The following PRKN variants were observed in gnomAD, a reference collection of about 807,000 sequenced individuals.
The protein encoded by PRKN is E3 ubiquitin-protein ligase parkin.
Under a neutral mutation model 59.5 loss-of-function variants are expected in PRKN, and 56 were observed. The observed-to-expected ratio is 0.94, with a 90% CI of 0.76 to 1.18. The LOEUF is 1.18. Ranked by LOEUF, PRKN falls within the 50% of genes most tolerant of loss-of-function variation. The probability of loss-of-function intolerance (pLI) is 0.00; values close to 1 mark genes in which losing one functional copy is unlikely to be tolerated. For synonymous variants in PRKN, 250 were observed against 222.1 expected (o/e 1.13, Z -1.12); for missense variants, 657 against 596.4 (o/e 1.10, Z -1.06).
At chr6:162,246,910 T>C (rs1779222017) in intron 3 of PRKN, among the ~76,000 whole-genome samples, 1 of 152,152 alleles carries the variant, frequency 6.6e-6, no homozygotes, top group South Asian at 2.1e-4. Context: ...CTTGCAAACA[T>C]GGATTGATCT....
At chr6:162,057,062 G>C (rs192270097) in intron 4 of PRKN, among the ~76,000 whole-genome samples, 12 of 152,194 alleles carry the variant, frequency 7.9e-5, no homozygotes, top group East Asian at 7.7e-4. Context: ...GAATCTGGAG[G>C]GGGGAGGTGG....
chr6:161,866,265 T>G (rs906398852), intron 6 of PRKN, among the ~76,000 whole-genome samples: 2 of 146,284 alleles, frequency 1.4e-5, no homozygotes, highest in African/African-American at 5.6e-5. Flanking sequence ...AATGAAAAAG[T>G]TAAATATTGT....
At chr6:162,645,387 T>C (rs954342152) in intron 1 of PRKN, among the ~76,000 whole-genome samples, 1 of 152,172 alleles carries the variant, frequency 6.6e-6, no homozygotes, top group African/African-American at 2.4e-5. Flanking sequence ...AAGCAAACAG[T>C]CACTCAGTTA....
intron 2 of PRKN, among the ~76,000 whole-genome samples, chr6:162,352,785 C>G (rs1207508632): frequency 6.6e-6 from 1 of 152,106 alleles, no homozygotes; most frequent in African/African-American, 2.4e-5. Flanking sequence ...TATTATAATT[C>G]TAGCAATAGA....
At chr6:162,018,622 T>G (rs144477839) in intron 5 of PRKN, among the ~76,000 whole-genome samples, 1 of 152,314 alleles carries the variant, frequency 6.6e-6, no homozygotes, top group African/African-American at 2.4e-5. Flanking sequence ...ACAATTAGTA[T>G]AGAAAATTGT....
chr6:161,749,196 G>T (rs981173502), intron 7 of PRKN, among the ~76,000 whole-genome samples: 1 of 152,192 alleles, frequency 6.6e-6, no homozygotes, highest in Non-Finnish European at 1.5e-5. Flanking sequence ...ACCTAGAGGG[G>T]CGCAGCTTCG....
intron 7 of PRKN, among the ~76,000 whole-genome samples, chr6:161,653,404 C>T (rs993396071): frequency 1.3e-5 from 2 of 152,142 alleles, no homozygotes; most frequent in Admixed American, 1.3e-4. Context: ...TGCAAATCAA[C>T]AGTGCTGCAT....
intron 1 of PRKN, among the ~76,000 whole-genome samples, chr6:162,497,192 T>C (rs2128186719): frequency 6.6e-6 from 1 of 152,288 alleles, no homozygotes; most frequent in Non-Finnish European, 1.5e-5. Flanking sequence ...TTGTGCCCCA[T>C]GTAATTTGAC....
chr6:162,248,253 G>A (rs549988772), intron 3 of PRKN, among the ~76,000 whole-genome samples: 3 of 152,152 alleles, frequency 2.0e-5, no homozygotes, highest in Non-Finnish European at 2.9e-5. Context: ...ACCAAGGAGA[G>A]TCATCAGAGC....
chr6:161,478,634 CA>C (rs1233516729), intron 9 of PRKN, among the ~76,000 whole-genome samples: 5 of 152,096 alleles, frequency 3.3e-5, no homozygotes, highest in African/African-American at 1.2e-4. Flanking sequence ...CATGTGAGTC[CA>C]GGGGTTTGAG....
In PRKN at chr6:162,227,216, G is replaced by A. The variant is rs566097828; in HGVS notation, c.413-25964C>T. On this transcript the variant is annotated intron_variant, in intron 3 of 11. Coordinates refer to ENST00000366898, the MANE Select transcript of PRKN (RefSeq NM_004562.3). ...ATAAAGTCCAAATTTTAGTGTGTGT[G>A]TTAATTCTCTTAACATCCACACCCT... Among the ~76,000 whole-genome samples the A allele has an allele frequency of 1.3e-4, 20 of 152,260 alleles. No homozygotes were observed. In the South Asian group the frequency reaches 3.9e-3, roughly 30 times the overall value.
At chr6:161,559,930 G>A (rs909112708) in intron 8 of PRKN, among the ~76,000 whole-genome samples, 13 of 152,176 alleles carry the variant, frequency 8.5e-5, no homozygotes, top group African/African-American at 2.9e-4. Flanking sequence ...GGTGAAAGCC[G>A]AGAAGCTGCC....
chr6:162,510,428 G>C (rs186155334), intron 1 of PRKN, among the ~76,000 whole-genome samples: 6 of 152,246 alleles, frequency 3.9e-5, no homozygotes, highest in Admixed American at 2.6e-4. Flanking sequence ...GTCTGGCCAC[G>C]ATCAAATCTC....
In PRKN at chr6:161,419,979, C is replaced by G. The variant is rs1187741758; in HGVS notation, c.1084-33102G>C. Among the ~76,000 whole-genome samples, 2 of 151,998 alleles carry G rather than the reference C, an allele frequency of 1.3e-5. No individual in the cohort carries two copies. Among genetic ancestry groups the G allele is most frequent in the African/African-American group, 4.8e-5 (2 of 41,402 alleles). ...TAAGGCTGGGCGTGGTGGCTCACGC[C>G]TGTAATCCCAGCACTTTGGGAGGCT... On this transcript the variant is annotated intron_variant, in intron 9 of 11. Coordinates refer to ENST00000366898, the MANE Select transcript of PRKN (RefSeq NM_004562.3). This position sits in a 1 kb window ranked among gnomAD's most constrained non-coding sequence, Gnocchi z 4.1.
At chr6:162,198,801 C>A (rs141979558) in intron 4 of PRKN, among the ~76,000 whole-genome samples, 152 of 152,122 alleles carry the variant, frequency 1.0e-3, no homozygotes, top group African/African-American at 3.5e-3. Flanking sequence ...CCTTACTGTT[C>A]CTGAGGATTA....
At chr6:162,441,673 C>T (rs987369896) in intron 2 of PRKN, among the ~76,000 whole-genome samples, 1 of 152,118 alleles carries the variant, frequency 6.6e-6, no homozygotes, top group Non-Finnish European at 1.5e-5. Flanking sequence ...TCCATGAAAA[C>T]AGGGGCTGAG....
At chr6:162,494,140 T>C (rs1340267607) in intron 1 of PRKN, among the ~76,000 whole-genome samples, 1 of 152,204 alleles carries the variant, frequency 6.6e-6, no homozygotes, top group Non-Finnish European at 1.5e-5. Flanking sequence ...TCTCCCATTG[T>C]GGTGCACTAT....
At chr6:162,360,378 T>G (rs1583438379) in intron 2 of PRKN, among the ~76,000 whole-genome samples, 1 of 152,192 alleles carries the variant, frequency 6.6e-6, no homozygotes, top group Non-Finnish European at 1.5e-5. Flanking sequence ...CCCTAACATT[T>G]GCATTTATTC....
chr6:161,665,757 G>A (rs531338712), intron 7 of PRKN, among the ~76,000 whole-genome samples: 7 of 152,264 alleles, frequency 4.6e-5, no homozygotes, highest in South Asian at 4.1e-4. Flanking sequence ...AACAAAACAC[G>A]TCATCGGCCT....
Sources: gnomAD v4.1 joint callset for allele counts (sites outside exome capture counted in the v4.1 genomes callset) on GRCh38, gnomAD v4.1.1 for gene constraint, Gnocchi (gnomAD v3.1) non-coding constraint, MANE v1.5 for transcripts, NCBI Gene and HGNC (gene_info 2026-07-23, HGNC 2026-07-21) for gene names.